Variants in CRYBG3 observed in about 807,000 individuals in gnomAD.
CRYBG3 encodes the protein crystallin beta-gamma domain containing 3, also known as very large A-kinase anchor protein.
A neutral mutation model predicts 244.2 loss-of-function variants in CRYBG3; 127 were observed. That is an observed-to-expected ratio of 0.52 (90% CI 0.45 to 0.60). The LOEUF (loss-of-function observed/expected upper bound fraction) is 0.60, where lower values mean the gene tolerates loss of function less well. Ranked by LOEUF, CRYBG3 falls within the 20% of genes least tolerant of loss-of-function variation. The pLI, the probability that CRYBG3 is intolerant of heterozygous loss-of-function variation, is 0.00. For synonymous variants in CRYBG3, 1,132 were observed against 1,195.8 expected (o/e 0.95, Z 1.10); for missense variants, 3,325 against 3,442.5 (o/e 0.97, Z 0.85).
At chr3:97,912,749 G>C (rs775096915) in intron 16 of CRYBG3, among the ~76,000 whole-genome samples, 2 of 151,720 alleles carry the variant, frequency 1.3e-5, no homozygotes, top group Non-Finnish European at 2.9e-5. Flanking sequence ...TGATTCCTTT[G>C]GTCTTTTTTT....
At chr3:97,851,306 A>G (rs573645919) in intron 2 of CRYBG3, among the ~76,000 whole-genome samples, 30 of 152,214 alleles carry the variant, frequency 2.0e-4, no homozygotes, top group Non-Finnish European at 2.8e-4. Flanking sequence ...TTAGTAGAAC[A>G]TTAACTAGAA....
At chr3:97,933,510 G>A (rs2040121375) in intron 17 of CRYBG3, 184 bp from the exon 18 acceptor site, 1 of 701,548 alleles carries the variant, frequency 1.4e-6, no homozygotes, top group African/African-American at 1.8e-5. Context: ...ACAAAAAAGT[G>A]AACAAAAATT....
At chr3:97,866,017 A>G (rs927404458) in intron 3 of CRYBG3, among the ~76,000 whole-genome samples, 11 of 152,222 alleles carry the variant, frequency 7.2e-5, no homozygotes, top group Non-Finnish European at 1.2e-4. Flanking sequence ...ACTCACCAAT[A>G]GAAAAGTCAA....
At position 97,879,735 on chromosome 3, in the gene CRYBG3, C is replaced by T. The variant is rs1016348250; in HGVS notation, c.6875C>T (p.Pro2292Leu). The change falls in exon 5 of 22, where the codon CCA becomes CTA. Residue 2292 changes from proline (P) to leucine (L), a missense_variant. By Grantham distance (98) the Pro-to-Leu change is moderately conservative. Around this residue, in one of 4 missense-constraint regions of CRYBG3, gnomAD observed 714 missense variants for 803.6 expected, o/e 0.89. Transcript: ENST00000389622. ...NVDKQTLRCN[P>L]RPGKMVIYDL... Reference sequence around the variant, plus strand: ...GACAAACAAACTCTGAGATGTAACCCAAGACCTGGGAAGGTAAGGATAACT... The same window carrying T: ...GACAAACAAACTCTGAGATGTAACCTAAGACCTGGGAAGGTAAGGATAACT... 1 of 1,604,114 alleles carries T rather than the reference C, an allele frequency of 6.2e-7. No individual in the cohort carries two copies. The highest frequency in any genetic ancestry group is 8.5e-7 in the Non-Finnish European group (1 of 1,175,216).
Position 97,876,281 on chromosome 3 carries a change from A to C in CRYBG3, c.5087A>C (p.Lys1696Thr). 8.1e-7 allele frequency: 1 copy of C among 1,231,940 alleles called. No homozygotes were observed. The highest frequency in any genetic ancestry group is 1.0e-6 in the Non-Finnish European group (1 of 987,882). The allele number at this position is 1,231,940 out of a possible 1,614,324, so 76.3% of individuals were successfully genotyped here. The change falls in exon 4 of 22, where the codon AAA becomes ACA. Residue 1696 changes from lysine to threonine, a missense_variant. By Grantham distance (78) the Lys-to-Thr change is moderately conservative. This residue lies in a region of CRYBG3 where 635 missense variants were observed against 771.7 expected (regional missense o/e 0.82). Transcript: ENST00000389622. ...TCAGAAGTGGAAAATATCCACCAAA[A>C]AGGTGGTGAAGGGATTAGTGAAAAG... Reference protein sequence around the residue: ...ALSEVENIHQKGGEGISEKAE... With the variant: ...ALSEVENIHQTGGEGISEKAE...
At chr3:97,894,533 A>G (rs1160713869) in intron 11 of CRYBG3, among the ~76,000 whole-genome samples, 2 of 152,160 alleles carry the variant, frequency 1.3e-5, no homozygotes, top group African/African-American at 4.8e-5. Context: ...ATGTTTCTTA[A>G]CTTTTCTCAG....
rs757376205 is a variant in CRYBG3, at chr3:97,874,625, C to A, written c.3431C>A (p.Ala1144Asp). The A allele has an allele frequency of 7.2e-6, 11 of 1,535,910 alleles. No individual in the cohort carries two copies. In the African/African-American group the frequency reaches 1.2e-4, roughly 17 times the overall value. ...GKISIDFPTA[A>D]QFDNLVEAET... ...ATATCCATTGATTTCCCAACTGCTG[C>A]CCAATTTGACAATCTCGTGGAAGCA... The change falls in exon 4 of 22, where the codon GCC becomes GAC. Residue 1144 changes from alanine (A) to aspartate (D), a missense_variant. Ala to Asp is a moderately radical substitution (Grantham distance 126). This residue lies in a region of CRYBG3 where 1,526 missense variants were observed against 1,443.2 expected (regional missense o/e 1.06). Transcript: ENST00000389622.
In CRYBG3 at chr3:97,943,290, G is replaced by A; in HGVS notation, c.8889G>A (p.Gln2963=). 6.3e-7 allele frequency: 1 copy of A among 1,583,436 alleles called. No individual in the cohort carries two copies. Among genetic ancestry groups the A allele is most frequent in the Non-Finnish European group, 8.7e-7 (1 of 1,153,784 alleles). The change falls in exon 22 of 22, where the codon CAG becomes CAA. Residue 2963 remains glutamine (Q), a synonymous_variant. Transcript: ENST00000389622. ...VNQPLEGEET[Q]KWDIEIL ...AGCCCCTGGAGGGAGAAGAAACACA[G>A]AAATGGGACATTGAAATATTGTGAG...
chr3:97,860,003 A>G (rs2039123446), intron 2 of CRYBG3, among the ~76,000 whole-genome samples: 1 of 152,162 alleles, frequency 6.6e-6, no homozygotes, highest in African/African-American at 2.4e-5. Flanking sequence ...ACAAAACAGT[A>G]AGTTCTGTCC....
At chr3:97,841,256 A>ATG (rs112761016) in intron 1 of CRYBG3, among the ~76,000 whole-genome samples, 6 of 135,274 alleles carry the variant, frequency 4.4e-5, no homozygotes, top group Admixed American at 2.1e-4. Context: ...ATATGTATAT[A>ATG]TGTGTATACA....
chr3:97,935,685 G>A (rs946287487), intron 18 of CRYBG3, among the ~76,000 whole-genome samples: 4 of 151,944 alleles, frequency 2.6e-5, no homozygotes, highest in Non-Finnish European at 5.9e-5. Context: ...CTGGAAAATC[G>A]AGGGGCTGAA....
rs532363625 is a variant in CRYBG3 at position 97,903,242 on chromosome 3, A to C, written c.8004+2757A>C. ...TGTAATAATTGTTGCTACTGTTTTC[A>C]TGTATGGGGGATAGGAAAATCACAG... is the stretch of plus-strand genomic sequence containing the variant. On this transcript the variant is annotated intron_variant, in intron 15 of 21. Coordinates refer to ENST00000389622, the MANE Select transcript of CRYBG3 (RefSeq NM_153605.4). 3.9e-5 allele frequency among the ~76,000 whole-genome samples: 6 copies of C among 152,272 alleles called. No homozygotes were observed. The South Asian group carries it at 1.2e-3, about 32-fold the overall frequency.
At chr3:97,939,309 G>A (rs893356829) in intron 19 of CRYBG3, among the ~76,000 whole-genome samples, 1 of 151,734 alleles carries the variant, frequency 6.6e-6, no homozygotes, top group African/African-American at 2.4e-5. Flanking sequence ...TTTTCCTTTT[G>A]TTTATTTAGG....
intron 15 of CRYBG3, among the ~76,000 whole-genome samples, chr3:97,901,023 A>G (rs1164963154): frequency 6.6e-6 from 1 of 152,170 alleles, no homozygotes; most frequent in Admixed American, 6.5e-5. Context: ...AATTGTGCCT[A>G]TTTAACACTT....
At chr3:97,924,485 G>A (rs1053513613) in intron 17 of CRYBG3, 17 of 423,776 alleles carry the variant, frequency 4.0e-5, no homozygotes, top group Non-Finnish European at 7.4e-5. Flanking sequence ...TAAGATGACA[G>A]ATATTTACAG....
chr3:97,908,739 C>T (rs968215626), intron 15 of CRYBG3, among the ~76,000 whole-genome samples: 13 of 152,090 alleles, frequency 8.5e-5, no homozygotes, highest in Non-Finnish European at 1.9e-4. Flanking sequence ...AGCATTTAGT[C>T]CATTTATATT....
intron 1 of CRYBG3, among the ~76,000 whole-genome samples, chr3:97,837,570 A>C (rs2108162878): frequency 6.6e-6 from 1 of 152,192 alleles, no homozygotes; most frequent in South Asian, 2.1e-4. Context: ...ATCAGTTTTG[A>C]GCGGGGTTGG....
At chr3:97,852,535 C>T (rs1048664297) in intron 2 of CRYBG3, among the ~76,000 whole-genome samples, 6 of 152,052 alleles carry the variant, frequency 3.9e-5, no homozygotes, top group Admixed American at 1.3e-4. Flanking sequence ...TCCTTTGTAA[C>T]GAGGTTAGTA....
Position 97,864,564 on chromosome 3 carries a change from A to G in CRYBG3, c.564A>G (p.Gln188=), listed in dbSNP as rs2039197802. ...LRTQTHPTEE[Q]DSNSSELSDA... is the part of the protein sequence containing the mutation. ...CCCAGACACATCCAACAGAAGAACA[A>G]GACTCTAACTCATCCGAACTCTCAG... is the stretch of plus-strand genomic sequence containing the variant. Residue 188 remains glutamine, a synonymous_variant, in exon 3 of 22, where the codon CAA becomes CAG. Coordinates refer to ENST00000389622, the MANE Select transcript of CRYBG3 (RefSeq NM_153605.4). The G allele has an allele frequency of 1.3e-6, 2 of 1,535,950 alleles. No individual in the cohort carries two copies. The highest frequency in any genetic ancestry group is 1.7e-6 in the Non-Finnish European group (2 of 1,146,764).
Sources: gnomAD v4.1 joint callset for allele counts (sites outside exome capture counted in the v4.1 genomes callset) on GRCh38, gnomAD v4.1.1 for gene constraint, gnomAD v4.1.1 regional missense constraint, MANE v1.5 for transcripts, NCBI Gene and HGNC (gene_info 2026-07-23, HGNC 2026-07-21) for gene names.